CCNB1IP1: variants seen among roughly 807,000 people sequenced by gnomAD.
CCNB1IP1 encodes the protein cyclin B1 interacting protein 1.
In CCNB1IP1, 14 loss-of-function variants were observed where a neutral mutation model predicts 25.6. The ratio of observed to expected loss-of-function variants is 0.55; its 90% confidence interval spans 0.36 to 0.85. CCNB1IP1 has a LOEUF of 0.85. CCNB1IP1 is among the 40% of genes least tolerant of loss of function. CCNB1IP1 has a pLI of 0.01. For synonymous variants in CCNB1IP1, 119 were observed against 116.1 expected (o/e 1.02, Z -0.16); for missense variants, 278 against 342.4 (o/e 0.81, Z 1.48).
At chr14:20,320,517 AAAGAC>A (rs1882856673) in intron 4 of CCNB1IP1, 1 of 332,862 alleles carries the variant, frequency 3.0e-6, no homozygotes, top group Non-Finnish European at 5.9e-6. Flanking sequence ...AACCAACCAC[AAAGAC>A]AAAACTACTC....
chr14:20,331,649 T>C (rs1883237103), intron 1 of CCNB1IP1, among the ~76,000 whole-genome samples: 1 of 152,072 alleles, frequency 6.6e-6, no homozygotes, highest in Non-Finnish European at 1.5e-5. Flanking sequence ...TAAATTATAG[T>C]AGGTACATAA....
At chr14:20,321,616 A>AT (rs1882899208) in intron 4 of CCNB1IP1, among the ~76,000 whole-genome samples, 2 of 151,776 alleles carry the variant, frequency 1.3e-5, no homozygotes, top group African/African-American at 4.8e-5. Context: ...CACCCAGCTA[A>AT]TTTTTTTTGT....
At chr14:20,329,493 G>C (rs1290001014) in intron 1 of CCNB1IP1, 120 bp from the exon 2 acceptor site, 3 of 152,180 alleles carry the variant, frequency 2.0e-5, no homozygotes, top group Non-Finnish European at 1.5e-5. Flanking sequence ...CAGACTCCAA[G>C]TTTTATTTCC....
intron 1 of CCNB1IP1, among the ~76,000 whole-genome samples, chr14:20,332,677 G>A (rs1216996519): frequency 6.6e-6 from 1 of 152,032 alleles, no homozygotes; most frequent in East Asian, 1.9e-4. Flanking sequence ...TCACCACAGT[G>A]GCAACATTAA....
chr14:20,323,835 G>A (rs1043635758), intron 4 of CCNB1IP1, among the ~76,000 whole-genome samples: 1 of 148,926 alleles, frequency 6.7e-6, no homozygotes, highest in Non-Finnish European at 1.5e-5. Context: ...GGAGAATGGC[G>A]TGAACCTGGG....
chr14:20,313,396 T>C, intron 6 of CCNB1IP1, 72 bp downstream of exon 6: 11 of 1,222,550 alleles, frequency 9.0e-6, no homozygotes, highest in Non-Finnish European at 1.3e-5. Context: ...GACTGAATGC[T>C]TGGAAGTGGG....
Position 20,311,750 on chromosome 14 carries a change from T to C in CCNB1IP1, c.634A>G (p.Asn212Asp), listed in dbSNP as rs150637404. ...QSGVLGFPLG[N>D]NSKFPLDNTP... ...TTATCCAAAGGAAACTTGGAGTTGT[T>C]ACCTAGGGCAGAAAAAAAGGAAAAA... is the stretch of plus-strand genomic sequence containing the variant. Residue 212 changes from asparagine to aspartate, a missense_variant and splice_region_variant, in exon 7 of 7, where the codon AAC (asparagine) becomes GAC (aspartate). Physicochemically the swap from Asn to Asp is conservative, Grantham distance 23. Coordinates refer to ENST00000358932, the MANE Select transcript of CCNB1IP1 (RefSeq NM_021178.5). The C allele has an allele frequency of 8.4e-5, 135 of 1,612,000 alleles. 1 individual carries two copies. In the African/African-American group the frequency reaches 1.4e-3, roughly 17 times the overall value.
At position 20,311,795 on chromosome 14, in the gene CCNB1IP1, T is replaced by C. The variant is rs781035018; in HGVS notation, c.632-43A>G. On this transcript the variant is annotated intron_variant, in intron 6 of 6. Coordinates refer to ENST00000358932, the MANE Select transcript of CCNB1IP1 (RefSeq NM_021178.5). ...GAAAAACATAATTTTATTCATTTGT[T>C]ATCTATATAATCTACTTCAGAGGAA... 8.2e-6 allele frequency: 11 copies of C among 1,336,514 alleles called. No individual in the cohort carries two copies. In the South Asian group the frequency reaches 1.2e-4, roughly 14 times the overall value. 82.8% of individuals were successfully genotyped at this position (1,336,514 alleles called of 1,614,324 possible). A position where few individuals can be genotyped will look rare whatever the true frequency, so the allele number is the denominator to read the frequency against.
chr14:20,317,033 CG>C (rs1882723603), intron 4 of CCNB1IP1, among the ~76,000 whole-genome samples: 1 of 151,998 alleles, frequency 6.6e-6, no homozygotes, highest in Admixed American at 6.6e-5. Flanking sequence ...CACTTGAATC[CG>C]GGAGGCAGAG....
chr14:20,325,133 G>A (rs1883028759), intron 4 of CCNB1IP1, among the ~76,000 whole-genome samples: 2 of 147,368 alleles, frequency 1.4e-5, no homozygotes, highest in South Asian at 4.9e-4. Context: ...TTTAAAAAGT[G>A]AAATTTAGCC....
At chr14:20,328,999 T>A (rs2138875245) in intron 2 of CCNB1IP1, among the ~76,000 whole-genome samples, 175 bp downstream of exon 2, 1 of 152,336 alleles carries the variant, frequency 6.6e-6, no homozygotes, top group African/African-American at 2.4e-5. Context: ...AGATGCTTCA[T>A]GAAGGCCTAA....
Position 20,313,766 on chromosome 14 carries a change from G to T in CCNB1IP1, c.333C>A (p.Phe111Leu), listed in dbSNP as rs955283884. Residue 111 changes from phenylalanine to leucine, a missense_variant, in exon 6 of 7, where the codon TTC (phenylalanine) becomes TTA (leucine). Transcript: ENST00000358932. ...GTTTCAGATGGCCCTCAGCCTTGCT[G>T]AAATTGTATTCTTGATAGAGACGTT... is the stretch of plus-strand genomic sequence containing the variant. ...HQERLYQEYNFSKAEGHLKQM... is the reference protein window; with the variant it reads ...HQERLYQEYNLSKAEGHLKQM... 1 of 1,595,262 alleles carries T rather than the reference G, an allele frequency of 6.3e-7. No individual in the cohort carries two copies. The highest frequency in any genetic ancestry group is 8.5e-7 in the Non-Finnish European group (1 of 1,171,508).
At position 20,311,605 on chromosome 14, in the gene CCNB1IP1, C is replaced by G; in HGVS notation, c.779G>C (p.Arg260Pro). ...AGAAACTTGCTGCTGCTCTAATTCA[C>G]GACTTGGAGAGACAAAACTAAAAAA... The part of the protein sequence containing the change: ...NSFFSFVSPS[R>P]ELEQQQVSSR... The change falls in exon 7 of 7, where the codon CGT becomes CCT. Residue 260 changes from arginine to proline, a missense_variant. By Grantham distance (103) the Arg-to-Pro change is moderately radical. Coordinates refer to ENST00000358932, the MANE Select transcript of CCNB1IP1 (RefSeq NM_021178.5). 1.2e-6 allele frequency: 2 copies of G among 1,613,940 alleles called. No individual in the cohort carries two copies. The highest frequency in any genetic ancestry group is 1.7e-6 in the Non-Finnish European group (2 of 1,179,978).
intron 4 of CCNB1IP1, among the ~76,000 whole-genome samples, chr14:20,324,691 T>C (rs1566404177): frequency 6.6e-6 from 1 of 152,306 alleles, no homozygotes; most frequent in East Asian, 1.9e-4. Flanking sequence ...CTCTAAAATA[T>C]AAAACTAAGA....
intron 4 of CCNB1IP1, 115 bp from the exon 5 acceptor site, chr14:20,316,675 C>T: frequency 1.7e-6 from 1 of 586,654 alleles, no homozygotes. Flanking sequence ...TTATTATATT[C>T]CTTGTATTTA....
At chr14:20,328,559 C>A (rs908444730) in intron 2 of CCNB1IP1, among the ~76,000 whole-genome samples, 1 of 151,962 alleles carries the variant, frequency 6.6e-6, no homozygotes. Flanking sequence ...ACTCCTTGAT[C>A]TCTCCAAACC....
chr14:20,312,679 A>G (rs891753008), intron 6 of CCNB1IP1, among the ~76,000 whole-genome samples: 2 of 151,780 alleles, frequency 1.3e-5, no homozygotes, highest in African/African-American at 4.8e-5. Flanking sequence ...TTGCATAAAG[A>G]GTAGTATAAA....
chr14:20,316,593 T>C, intron 4 of CCNB1IP1, 33 bp from the exon 5 acceptor site: 1 of 1,251,412 alleles, frequency 8.0e-7, no homozygotes, highest in East Asian at 2.4e-5. Context: ...GCCAAGTAAG[T>C]TAAATTGCAA....
At chr14:20,317,755 C>A (rs1333166411) in intron 4 of CCNB1IP1, 1 of 152,244 alleles carries the variant, frequency 6.6e-6, no homozygotes, top group Non-Finnish European at 1.5e-5. Flanking sequence ...CAGCTTTCCA[C>A]GCTCAGTAGA....
Sources: allele counts gnomAD v4.1 joint callset (sites outside exome capture counted in the v4.1 genomes callset), GRCh38; gene constraint gnomAD v4.1.1; transcripts MANE v1.5; gene names NCBI Gene and HGNC (gene_info 2026-07-23, HGNC 2026-07-21).